Variants in TMEM200A observed in about 807,000 individuals in gnomAD.
The protein encoded by TMEM200A is transmembrane protein 200A.
In TMEM200A, 12 loss-of-function variants were observed where a neutral mutation model predicts 24.3. The observed-to-expected ratio is 0.49, with a 90% CI of 0.32 to 0.80. The LOEUF (loss-of-function observed/expected upper bound fraction) is 0.80, where lower values mean the gene tolerates loss of function less well. Ranked by LOEUF, TMEM200A falls within the 30% of genes least tolerant of loss-of-function variation. TMEM200A has a pLI of 0.04. For synonymous variants in TMEM200A, 224 were observed against 224.4 expected, an observed-to-expected ratio of 1.00 and a Z score of 0.02; for missense variants, 545 against 614.4, an observed-to-expected ratio of 0.89 and a Z score of 1.19.
intron 2 of TMEM200A, among the ~76,000 whole-genome samples, chr6:130,436,723 T>C (rs1274277044): frequency 7.2e-6 from 1 of 139,642 alleles, no homozygotes; most frequent in Admixed American, 7.7e-5. Context: ...CATAACTCAC[T>C]GCAGCCTCCA....
rs1778607455 is a variant in TMEM200A at position 130,381,944 on chromosome 6, A to C, written c.-80-3229A>C. 5 of 985,320 alleles carry C rather than the reference A, an allele frequency of 5.1e-6. 1 individual carries two copies. The South Asian group carries it at 2.3e-4, about 46-fold the overall frequency. The allele number at this position is 985,320 out of a possible 1,614,324, so 61.0% of individuals were successfully genotyped here. On this transcript the variant is annotated intron_variant, in intron 1 of 2. Transcript: ENST00000296978. ...TGTGGCTTCCTCTTCCGTTCACTCC[A>C]GAACACACTGCCATCTGGCTGCCTT...
chr6:130,392,066 G>A (rs975593443), intron 2 of TMEM200A, among the ~76,000 whole-genome samples: 1 of 152,096 alleles, frequency 6.6e-6, no homozygotes, highest in African/African-American at 2.4e-5. Flanking sequence ...CCAGGGAATG[G>A]TGTAGGGGTT....
At chr6:130,382,590 T>C (rs1778626176) in intron 1 of TMEM200A, among the ~76,000 whole-genome samples, 1 of 152,194 alleles carries the variant, frequency 6.6e-6, no homozygotes, top group African/African-American at 2.4e-5. Context: ...CTTCTGTCTC[T>C]ATCCTAAACC....
intron 2 of TMEM200A, among the ~76,000 whole-genome samples, chr6:130,433,224 C>T (rs992826185): frequency 6.6e-6 from 1 of 151,230 alleles, no homozygotes; most frequent in Non-Finnish European, 1.5e-5. Flanking sequence ...GCTATCTCCA[C>T]CTCTCAGGTT....
chr6:130,372,909 C>T (rs1465566212), intron 1 of TMEM200A, among the ~76,000 whole-genome samples: 1 of 152,006 alleles, frequency 6.6e-6, no homozygotes, highest in Non-Finnish European at 1.5e-5. Context: ...AATATGTAAA[C>T]AAATGGTTAC....
chr6:130,375,660 A>G lies in TMEM200A; in HGVS notation c.-81+9136A>G, dbSNP rs149666784. Among the ~76,000 whole-genome samples the G allele has an allele frequency of 3.9e-5, 6 of 152,200 alleles. No individual in the cohort carries two copies. In the East Asian group the frequency reaches 7.7e-4, roughly 20 times the overall value. ...TCTCTGCATTTGAGGCATTTAAGCT[A>G]CAACCTGCGAGAGAATGAGGAGCCA... On this transcript the variant is annotated intron_variant, in intron 1 of 2. Coordinates refer to ENST00000296978, the MANE Select transcript of TMEM200A (RefSeq NM_001258277.2).
At chr6:130,425,629 G>A (rs989224245) in intron 2 of TMEM200A, among the ~76,000 whole-genome samples, 20 of 152,192 alleles carry the variant, frequency 1.3e-4, no homozygotes, top group African/African-American at 4.6e-4. Flanking sequence ...AAGTAATATA[G>A]TGGCTGCAAA....
At chr6:130,436,811 T>C (rs186689508) in intron 2 of TMEM200A, among the ~76,000 whole-genome samples, 75 of 151,988 alleles carry the variant, frequency 4.9e-4, no homozygotes, top group African/African-American at 1.7e-3. Flanking sequence ...CATGCCTGGC[T>C]AACTTGCTAA....
At chr6:130,381,694 T>A (rs1284062672) in intron 1 of TMEM200A, among the ~76,000 whole-genome samples, 1 of 152,242 alleles carries the variant, frequency 6.6e-6, no homozygotes, top group African/African-American at 2.4e-5. Context: ...TGTACCTGGA[T>A]GATGGGAGGC....
chr6:130,386,375 G>A lies in TMEM200A; in HGVS notation c.-17+1139G>A, dbSNP rs184152963. 4.6e-3 allele frequency among the ~76,000 whole-genome samples: 707 copies of A among 152,244 alleles called. 4 individuals carry two copies. The highest frequency in any genetic ancestry group is 7.5e-3 in the Non-Finnish European group (508 of 68,010). On this transcript the variant is annotated intron_variant, in intron 2 of 2. Transcript: ENST00000296978. The stretch of plus-strand genomic sequence containing the variant: ...GAAAACTGCTGTGGACCAAAATTCT[G>A]CTTGTCAGAGCCAACTGTGATTGCT...
intron 2 of TMEM200A, among the ~76,000 whole-genome samples, chr6:130,407,326 A>G (rs924415998): frequency 1.3e-5 from 2 of 152,248 alleles, no homozygotes; most frequent in African/African-American, 4.8e-5. Context: ...TGGTTTGGGC[A>G]TCAAGATTGT....
In TMEM200A at chr6:130,370,209, C is replaced by T. The variant is rs141281558; in HGVS notation, c.-81+3685C>T. Among the ~76,000 whole-genome samples the T allele has an allele frequency of 3.4e-3, 525 of 152,240 alleles. 6 individuals are homozygous for T. The highest frequency in any genetic ancestry group is 0.012 in the African/African-American group (500 of 41,544). ...CTGTGGGTATTTCTAAACCTACATT[C>T]CTGGGCTTTTCATCTATGAGAAAAA... On this transcript the variant is annotated intron_variant, in intron 1 of 2. Transcript: ENST00000296978.
chr6:130,439,834 A>G, intron 2 of TMEM200A, among the ~76,000 whole-genome samples: 1 of 152,098 alleles, frequency 6.6e-6, no homozygotes, highest in Non-Finnish European at 1.5e-5. Flanking sequence ...GGAAGATGAA[A>G]ATTGAGGGGG....
intron 1 of TMEM200A, among the ~76,000 whole-genome samples, chr6:130,375,144 T>C (rs1778421669): frequency 6.6e-6 from 1 of 152,224 alleles, no homozygotes; most frequent in Admixed American, 6.5e-5. Flanking sequence ...TTCTCCTTTA[T>C]GGATCTCAGT....
chr6:130,403,543 T>TATAATTTATA (rs10653633), intron 2 of TMEM200A, among the ~76,000 whole-genome samples: 7 of 151,758 alleles, frequency 4.6e-5, no homozygotes, highest in African/African-American at 1.7e-4. Flanking sequence ...ATGAAAAATT[T>TATAATTTATA]ATATTTGATA....
At chr6:130,379,137 G>C (rs1172290071) in intron 1 of TMEM200A, among the ~76,000 whole-genome samples, 1 of 152,126 alleles carries the variant, frequency 6.6e-6, no homozygotes. Context: ...TCTTGAATTG[G>C]GGATTAAGTT....
intron 1 of TMEM200A, among the ~76,000 whole-genome samples, chr6:130,369,690 C>T (rs1327775266): frequency 2.0e-5 from 3 of 152,082 alleles, no homozygotes; most frequent in Non-Finnish European, 2.9e-5. Flanking sequence ...CATATAAAGG[C>T]GAGGATTCTG....
upstream of TMEM200A, chr6:130,365,949 C>A: frequency 3.1e-6 from 3 of 977,136 alleles, no homozygotes; most frequent in Non-Finnish European, 3.6e-6. Context: ...CCCTGGAAGT[C>A]CGCCCCGGCC....
chr6:130,365,951 G>A, upstream of TMEM200A: 2 of 975,308 alleles, frequency 2.1e-6, no homozygotes, highest in Non-Finnish European at 2.4e-6. Context: ...CTGGAAGTCC[G>A]CCCCGGCCCC....
Sources: gnomAD v4.1 joint callset for allele counts (sites outside exome capture counted in the v4.1 genomes callset) on GRCh38, gnomAD v4.1.1 for gene constraint, MANE v1.5 for transcripts, NCBI Gene and HGNC (gene_info 2026-07-23, HGNC 2026-07-21) for gene names.